GALNT16: variants seen among roughly 807,000 people sequenced by gnomAD.
The protein encoded by GALNT16 is polypeptide N-acetylgalactosaminyltransferase 16.
In GALNT16, 40 loss-of-function variants were observed where a neutral mutation model predicts 76.1. The observed-to-expected ratio is 0.53, with a 90% confidence interval of 0.41 to 0.68. The LOEUF is 0.68. Ranked by LOEUF, GALNT16 falls within the 30% of genes least tolerant of loss-of-function variation. The pLI is 0.00. For missense variants in GALNT16, 621 were observed against 731.9 expected (o/e 0.85, Z 1.75); for synonymous variants, 276 against 285.2 (o/e 0.97, Z 0.32).
chr14:69,318,760 G>T (rs1421505377), intron 1 of GALNT16, among the ~76,000 whole-genome samples: 1 of 152,238 alleles, frequency 6.6e-6, no homozygotes, highest in Non-Finnish European at 1.5e-5. Context: ...TCATCCCTCT[G>T]CAGTTTTTCT....
At chr14:69,360,258 C>T (rs1008821700), downstream of GALNT16, among the ~76,000 whole-genome samples, 13 of 151,230 alleles carry the variant, frequency 8.6e-5, no homozygotes, top group African/African-American at 1.9e-4. Context: ...AAGGCTGAGG[C>T]GGGAGGATCA....
chr14:69,310,816 G>A (rs1221089032), intron 1 of GALNT16, among the ~76,000 whole-genome samples: 2 of 152,196 alleles, frequency 1.3e-5, no homozygotes, highest in Admixed American at 1.3e-4. Flanking sequence ...TTGGGAGGCT[G>A]AGGCAGGAGG....
chr14:69,355,416 A>T (rs768153503), downstream of GALNT16: 3 of 149,900 alleles, frequency 2.0e-5, no homozygotes, highest in Non-Finnish European at 3.0e-5. Context: ...CCCACCACCC[A>T]CCGCCTACTC....
At chr14:69,374,617 T>C in the GALNT16 span, among the ~76,000 whole-genome samples, 1 of 152,208 alleles carries the variant, frequency 6.6e-6, no homozygotes, top group Non-Finnish European at 1.5e-5. Context: ...TGTGCAACAT[T>C]TTGAACAGTA....
intron 9 of GALNT16, among the ~76,000 whole-genome samples, chr14:69,336,914 A>G (rs1023136335): frequency 2.4e-4 from 36 of 151,266 alleles, no homozygotes; most frequent in African/African-American, 8.5e-4. Context: ...TTTAGTAGAG[A>G]CGGGGTTTCA....
chr14:69,352,182 G>T lies in GALNT16; in HGVS notation c.*14G>T, dbSNP rs771641748. 16 of 1,599,156 alleles carry T rather than the reference G, an allele frequency of 1.0e-5. No homozygotes were observed. Among genetic ancestry groups the T allele is most frequent in the South Asian group, 1.1e-5 (1 of 89,204 alleles). ...CCACACACATGACGGTAGCCCTGGG[G>T]CCTCCTGTACCTTTTGCATGAGACT... On this transcript the variant is annotated 3_prime_UTR_variant, in exon 15 of 15. Transcript: ENST00000448469.
intron 1 of GALNT16, among the ~76,000 whole-genome samples, chr14:69,304,697 C>A (rs937229657): frequency 6.6e-6 from 1 of 152,176 alleles, no homozygotes; most frequent in Non-Finnish European, 1.5e-5. Flanking sequence ...ATTTTAGATA[C>A]TTTAAATAAG....
intron 12 of GALNT16, among the ~76,000 whole-genome samples, chr14:69,346,614 T>A (rs894228125): frequency 6.6e-6 from 1 of 152,278 alleles, no homozygotes; most frequent in Non-Finnish European, 1.5e-5. Context: ...TTACTGAGAT[T>A]AAACACATTT....
At chr14:69,305,298 C>T (rs1416325312) in intron 1 of GALNT16, among the ~76,000 whole-genome samples, 3 of 151,362 alleles carry the variant, frequency 2.0e-5, no homozygotes, top group Admixed American at 6.6e-5. Context: ...CAAGTAGCTG[C>T]GATTACAGAC....
intron 1 of GALNT16, among the ~76,000 whole-genome samples, chr14:69,278,982 G>C (rs2044507234): frequency 6.6e-6 from 1 of 151,678 alleles, no homozygotes; most frequent in Non-Finnish European, 1.5e-5. Context: ...CCGAGGCTGG[G>C]GTGCAGTGGC....
At chr14:69,326,137 C>A in intron 5 of GALNT16, 110 bp downstream of exon 5, 1 of 820,658 alleles carries the variant, frequency 1.2e-6, no homozygotes, top group Non-Finnish European at 2.1e-6. Flanking sequence ...GGTCCTGCTG[C>A]ATTCCTGATG....
intron 14 of GALNT16, chr14:69,351,342 A>G (rs561943353): frequency 1.3e-5 from 2 of 152,254 alleles, no homozygotes; most frequent in Non-Finnish European, 2.9e-5. Context: ...CATCTAAGGC[A>G]GAGGGCAAAT....
downstream of GALNT16, chr14:69,359,313 G>A (rs2045710148): frequency 6.6e-6 from 1 of 152,136 alleles, no homozygotes; most frequent in African/African-American, 2.4e-5. Flanking sequence ...CATTCTAACT[G>A]GGTTTGTTTT....
chr14:69,294,505 A>T (rs2044728373), intron 1 of GALNT16, among the ~76,000 whole-genome samples: 2 of 152,152 alleles, frequency 1.3e-5, no homozygotes, highest in Admixed American at 1.3e-4. Flanking sequence ...CAATTCAAGG[A>T]CTTGTACTAA....
intron 1 of GALNT16, among the ~76,000 whole-genome samples, chr14:69,302,818 A>C (rs2044872891): frequency 6.6e-6 from 1 of 152,236 alleles, no homozygotes; most frequent in Non-Finnish European, 1.5e-5. Flanking sequence ...ATAAACAAAT[A>C]CTATAAAAAA....
At chr14:69,274,726 G>A (rs143311764) in intron 1 of GALNT16, among the ~76,000 whole-genome samples, 145 of 152,354 alleles carry the variant, frequency 9.5e-4, no homozygotes, top group African/African-American at 3.1e-3. Context: ...GTAAGATTTT[G>A]AGAGACTGCT....
chr14:69,294,096 G>C (rs949080529), intron 1 of GALNT16, among the ~76,000 whole-genome samples: 5 of 151,940 alleles, frequency 3.3e-5, no homozygotes, highest in Non-Finnish European at 5.9e-5. Context: ...CACCACGTTG[G>C]CCAGGATGGT....
intron 1 of GALNT16, among the ~76,000 whole-genome samples, chr14:69,296,281 C>A (rs556525422): frequency 6.6e-6 from 1 of 152,284 alleles, no homozygotes; most frequent in South Asian, 2.1e-4. Context: ...TAAGAAATCT[C>A]CCCCATGGTC....
At chr14:69,361,717 T>C (rs1183814129), downstream of GALNT16, among the ~76,000 whole-genome samples, 4 of 152,044 alleles carry the variant, frequency 2.6e-5, 1 homozygote, top group Admixed American at 2.6e-4. Context: ...GCACCTAAAG[T>C]CACAGGGGGC....
Sources: allele counts gnomAD v4.1 joint callset (sites outside exome capture counted in the v4.1 genomes callset), GRCh38; gene constraint gnomAD v4.1.1; transcripts MANE v1.5; gene names NCBI Gene and HGNC (gene_info 2026-07-23, HGNC 2026-07-21).